Variants in DNAH17 observed in about 807,000 individuals in gnomAD.
DNAH17 encodes the protein axonemal beta dynein heavy chain 17.
In DNAH17, 376 loss-of-function variants were observed where a neutral mutation model predicts 485.6. The observed-to-expected ratio is 0.77, with a 90% CI of 0.71 to 0.84. The LOEUF (loss-of-function observed/expected upper bound fraction) is 0.84, where lower values mean the gene tolerates loss of function less well. Among genes scored for constraint, DNAH17 ranks in the 40% least tolerant of loss-of-function variants. The pLI is 0.00. For synonymous variants in DNAH17, 3,031 were observed against 2,405.9 expected, an observed-to-expected ratio of 1.26 and a Z score of -7.60; for missense variants, 6,370 against 5,839.3, an observed-to-expected ratio of 1.09 and a Z score of -2.96.
At chr17:78,499,403 T>G in intron 36 of DNAH17, 1 of 253,612 alleles carries the variant, frequency 3.9e-6, no homozygotes, top group Non-Finnish European at 7.1e-6. Flanking sequence ...ACATTTAAGT[T>G]CTAAACCTTG....
chr17:78,478,987 C>A, intron 51 of DNAH17, 38 bp downstream of exon 51: 1 of 1,585,496 alleles, frequency 6.3e-7, no homozygotes, highest in Non-Finnish European at 8.6e-7. Flanking sequence ...GGCACTGGAC[C>A]GTAAGGCAGG....
intron 60 of DNAH17, among the ~76,000 whole-genome samples, 200 bp from the exon 61 acceptor site, chr17:78,459,408 G>C (rs1170637297): frequency 6.6e-6 from 1 of 152,214 alleles, no homozygotes; most frequent in Non-Finnish European, 1.5e-5. Context: ...GCATTGCCCA[G>C]TTTTCCAAGT....
At chr17:78,534,537 C>T (rs974324080) in intron 19 of DNAH17, among the ~76,000 whole-genome samples, 2 of 152,156 alleles carry the variant, frequency 1.3e-5, no homozygotes, top group South Asian at 2.1e-4. Flanking sequence ...TGGCTCCCAC[C>T]CCTCCTCATG....
intron 62 of DNAH17, among the ~76,000 whole-genome samples, chr17:78,456,569 C>T (rs901626361): frequency 6.6e-6 from 1 of 152,192 alleles, no homozygotes; most frequent in African/African-American, 2.4e-5. Context: ...GCACCTGGCC[C>T]TGCATGGAAT....
At chr17:78,515,142 C>T in intron 25 of DNAH17, 120 bp from the exon 26 acceptor site, 1 of 1,152,642 alleles carries the variant, frequency 8.7e-7, no homozygotes, top group South Asian at 1.6e-5. Context: ...ATATTTAGAA[C>T]TAATACCCGA....
intron 9 of DNAH17, among the ~76,000 whole-genome samples, chr17:78,568,261 G>A (rs79687113): frequency 1.4e-4 from 21 of 152,112 alleles, no homozygotes; most frequent in Admixed American, 5.2e-4. Flanking sequence ...CCACATTCTC[G>A]GTCTGGGAGA....
At position 78,450,819 on chromosome 17, in the gene DNAH17, A is replaced by C. The variant is rs2087516483; in HGVS notation, c.10762T>G (p.Phe3588Val). The change falls in exon 67 of 81, where the codon TTT (phenylalanine) becomes GTT (valine). Residue 3588 changes from phenylalanine (F) to valine (V), a missense_variant. Physicochemically the swap from Phe to Val is conservative, Grantham distance 50 (BLOSUM62 -1). Transcript: ENST00000389840. ...KANLTKSQNE[F>V]KIVLKELEDS... ...TCCAGCTCTTTCAGAACAATCTTAA[A>C]TTCGTTTTGAGACTTGGTGAGGTTT... 6.2e-7 allele frequency: 1 copy of C among 1,613,976 alleles called. No homozygotes were observed. Among genetic ancestry groups the C allele is most frequent in the Non-Finnish European group, 8.5e-7 (1 of 1,179,892 alleles).
chr17:78,478,061 C>G (rs919043271), intron 51 of DNAH17, among the ~76,000 whole-genome samples: 1 of 144,214 alleles, frequency 6.9e-6, no homozygotes, highest in Non-Finnish European at 1.5e-5. Flanking sequence ...ATTATCATCT[C>G]CACCATCACC....
At position 78,447,489 on chromosome 17, in the gene DNAH17, C is replaced by T. The variant is rs118043713; in HGVS notation, c.11212-1809G>A. Among the ~76,000 whole-genome samples, 1,231 of 152,296 alleles carry T rather than the reference C, an allele frequency of 8.1e-3. 14 individuals carry two copies. The highest frequency in any genetic ancestry group is 0.046 in the East Asian group (237 of 5,182). On this transcript the variant is annotated intron_variant, in intron 69 of 80. Transcript: ENST00000389840. ...CAGATGGGCAGCAGGTGGCTGGGAG[C>T]AGGGGCAATGGCCACTGCCATCTCC... is the stretch of plus-strand genomic sequence containing the variant.
At chr17:78,491,913 C>A (rs1009920792) in intron 42 of DNAH17, among the ~76,000 whole-genome samples, 11 of 152,240 alleles carry the variant, frequency 7.2e-5, no homozygotes, top group Admixed American at 7.2e-4. Context: ...TGTCCACTCA[C>A]ACGCTCAGCA....
At chr17:78,516,691 G>GAAAAAAAAA (rs1168693263) in intron 25 of DNAH17, among the ~76,000 whole-genome samples, 1 of 88,720 alleles carries the variant, frequency 1.1e-5, no homozygotes. Context: ...CTCCATCTCA[G>GAAAAAAAAA]AAAAAAAAAA....
intron 48 of DNAH17, 129 bp downstream of exon 48, chr17:78,484,739 A>ACCCCCCTGGCCCCCC: frequency 2.9e-6 from 1 of 347,798 alleles, no homozygotes; most frequent in Non-Finnish European, 4.6e-6. Context: ...ACGTTGCAGC[A>ACCCCCCTGGCCCCCC]CCCCCCCCAC....
At chr17:78,550,616 G>A (rs1316379590) in intron 16 of DNAH17, among the ~76,000 whole-genome samples, 2 of 152,158 alleles carry the variant, frequency 1.3e-5, no homozygotes, top group Non-Finnish European at 2.9e-5. Context: ...TAACCAGAGA[G>A]TCCTGGGGGA....
rs1404827902 is a variant in DNAH17, at chr17:78,466,781, C to CA, written c.8813dup (p.Arg2939AlafsTer39). The CA allele has an allele frequency of 6.2e-7, 1 of 1,603,892 alleles. No homozygotes were observed. Among genetic ancestry groups the CA allele is most frequent in the Non-Finnish European group, 8.5e-7 (1 of 1,175,540 alleles). ...CTGGGAACTTTCTGGCTCGTACCCG[C>CA]AGCACGGAGCCCACAGGGGAGAAAC... On this transcript the variant is annotated frameshift_variant, in exon 56 of 81. Coordinates refer to ENST00000389840, the MANE Select transcript of DNAH17 (RefSeq NM_173628.4). LOFTEE classifies it high-confidence loss of function.
chr17:78,563,590 C>A (rs2092205403), intron 11 of DNAH17, among the ~76,000 whole-genome samples: 1 of 152,030 alleles, frequency 6.6e-6, no homozygotes, highest in South Asian at 2.1e-4. Context: ...CTCTGTCTTC[C>A]CATTTCTCTC....
intron 56 of DNAH17, among the ~76,000 whole-genome samples, chr17:78,463,500 G>A (rs576615774): frequency 5.5e-4 from 83 of 151,622 alleles, no homozygotes; most frequent in South Asian, 1.0e-3. Flanking sequence ...ATATATACAC[G>A]TGCATATGCA....
At chr17:78,450,867 G>A (rs746553577) in intron 66 of DNAH17, 21 bp from the exon 67 acceptor site, 7 of 1,612,794 alleles carry the variant, frequency 4.3e-6, no homozygotes, top group Non-Finnish European at 5.1e-6. Context: ...AGGTGCAGGA[G>A]TCACTGCATT....
intron 4 of DNAH17, 81 bp from the exon 5 acceptor site, chr17:78,571,459 G>A: frequency 2.7e-6 from 4 of 1,480,820 alleles, no homozygotes; most frequent in Non-Finnish European, 2.8e-6. Context: ...TGGCTGGCTG[G>A]AGCTGCAGAA....
intron 48 of DNAH17, among the ~76,000 whole-genome samples, chr17:78,483,305 C>T (rs1039229631): frequency 6.6e-6 from 1 of 152,172 alleles, no homozygotes; most frequent in Non-Finnish European, 1.5e-5. Flanking sequence ...GAGGAAAAGG[C>T]AAGTGATGGA....
Sources: allele counts gnomAD v4.1 joint callset (sites outside exome capture counted in the v4.1 genomes callset), GRCh38; gene constraint gnomAD v4.1.1; transcripts MANE v1.5; gene names NCBI Gene and HGNC (gene_info 2026-07-23, HGNC 2026-07-21).